IL20RB: variants seen among roughly 807,000 people sequenced by gnomAD.
The protein encoded by IL20RB is interleukin 20 receptor subunit beta, also known as interleukin-20 receptor subunit beta.
In IL20RB, 21 loss-of-function variants were observed where a neutral mutation model predicts 33.3. That is an observed-to-expected ratio of 0.63 (90% confidence interval 0.45 to 0.91). The LOEUF is 0.91. Among genes scored for constraint, IL20RB ranks in the 40% least tolerant of loss-of-function variants. The probability of loss-of-function intolerance (pLI) is 0.00; values close to 1 mark genes in which losing one functional copy is unlikely to be tolerated. For synonymous variants in IL20RB, 147 were observed against 146.8 expected, an observed-to-expected ratio of 1.00 and a Z score of -0.01; for missense variants, 345 against 384.8, an observed-to-expected ratio of 0.90 and a Z score of 0.86.
At chr3:137,007,942 T>C (rs1235399108) in intron 6 of IL20RB, among the ~76,000 whole-genome samples, 2 of 152,120 alleles carry the variant, frequency 1.3e-5, no homozygotes, top group Non-Finnish European at 2.9e-5. Flanking sequence ...CAAGTAAAAA[T>C]CTAAAGCAAA....
rs553691037 is a variant in IL20RB, at chr3:137,006,301, C to A, written c.826-3812C>A. 3.5e-3 allele frequency among the ~76,000 whole-genome samples: 539 copies of A among 152,178 alleles called. 2 individuals are homozygous for A. The highest frequency in any genetic ancestry group is 6.4e-3 in the Non-Finnish European group (437 of 67,994). The stretch of plus-strand genomic sequence containing the variant: ...GTGTTCTCTGTATTTCCTGAATTTG[C>A]ATGTTGGCCTGCCTTGCTAGGTTGG... On this transcript the variant is annotated intron_variant, in intron 6 of 6. Transcript: ENST00000329582.
Position 137,010,221 on chromosome 3 carries a change from T to G in IL20RB, c.934T>G (p.Ter312GluextTer15). 8 of 1,511,872 alleles carry G rather than the reference T, an allele frequency of 5.3e-6. No individual in the cohort carries two copies. Among genetic ancestry groups the G allele is most frequent in the South Asian group, 1.1e-5 (1 of 88,978 alleles). 93.7% of individuals were successfully genotyped at this position (1,511,872 alleles called of 1,614,324 possible). The change falls in exon 7 of 7, where the codon TAG (stop) becomes GAG (glutamate). Residue 312 changes from the stop codon to glutamate, a stop_lost. Coordinates refer to ENST00000329582, the MANE Select transcript of IL20RB (RefSeq NM_144717.4). ...PEELLRAWIS* is the reference protein window; with the variant it reads ...PEELLRAWISE ...GGAACTCCTCAGGGCCTGGATCTCA[T>G]AGGTTTGCGGAAGGGCCCAGGTGAA... is the stretch of plus-strand genomic sequence containing the variant.
intron 6 of IL20RB, among the ~76,000 whole-genome samples, chr3:137,009,400 C>T (rs1933024359): frequency 6.6e-6 from 1 of 152,132 alleles, no homozygotes; most frequent in Admixed American, 6.6e-5. Flanking sequence ...TGGCGGGAAC[C>T]TGAAATATGA....
chr3:137,010,268 A>T lies in IL20RB; in HGVS notation c.*45A>T, dbSNP rs953217015. ...TGAAGCCGAGAACCTGGTCTGCATG[A>T]CATGGAAACCATGAGGGGACAAGTT... On this transcript the variant is annotated 3_prime_UTR_variant, in exon 7 of 7. Coordinates refer to ENST00000329582, the MANE Select transcript of IL20RB (RefSeq NM_144717.4). 2.2e-6 allele frequency: 2 copies of T among 892,364 alleles called. No homozygotes were observed. Among genetic ancestry groups the T allele is most frequent in the Admixed American group, 3.6e-5 (2 of 56,126 alleles). The allele number at this position is 892,364 out of a possible 1,614,324, so 55.3% of individuals were successfully genotyped here.
At chr3:136,958,925 C>CTCTCTG (rs1553801345) in intron 1 of IL20RB, among the ~76,000 whole-genome samples, 1 of 141,944 alleles carries the variant, frequency 7.0e-6, no homozygotes, top group Admixed American at 7.4e-5. Context: ...CTCTCTCTCT[C>CTCTCTG]TCTCTCTGTC....
intron 6 of IL20RB, among the ~76,000 whole-genome samples, chr3:137,008,754 ATTTCAG>A (rs1933003162): frequency 6.6e-6 from 1 of 152,192 alleles, no homozygotes; most frequent in Admixed American, 6.5e-5. Flanking sequence ...AATATAAAAT[ATTTCAG>A]TCATTTTTTA....
intron 6 of IL20RB, among the ~76,000 whole-genome samples, chr3:137,001,065 A>T (rs764717163): frequency 3.3e-5 from 5 of 152,132 alleles, no homozygotes; most frequent in Admixed American, 6.6e-5. Context: ...AACAGCTAAG[A>T]TCTCCTAGGA....
chr3:136,972,555 T>C (rs1941513140), intron 1 of IL20RB, among the ~76,000 whole-genome samples: 1 of 152,126 alleles, frequency 6.6e-6, no homozygotes, highest in Non-Finnish European at 1.5e-5. Context: ...CCAGGAATGA[T>C]CCATTTCTTC....
At chr3:137,008,972 G>C (rs559660080) in intron 6 of IL20RB, among the ~76,000 whole-genome samples, 12 of 152,314 alleles carry the variant, frequency 7.9e-5, no homozygotes, top group African/African-American at 2.9e-4. Context: ...GCAGATGTAG[G>C]GAGTTAGTGT....
At chr3:136,971,795 A>C (rs1438987086) in intron 1 of IL20RB, among the ~76,000 whole-genome samples, 1 of 152,248 alleles carries the variant, frequency 6.6e-6, no homozygotes, top group Admixed American at 6.5e-5. Flanking sequence ...TGCAATAAAC[A>C]TGAAAAGGGA....
intron 6 of IL20RB, among the ~76,000 whole-genome samples, chr3:137,005,665 C>T (rs1312871759): frequency 2.0e-5 from 3 of 152,142 alleles, no homozygotes; most frequent in Admixed American, 2.0e-4. Flanking sequence ...TGCATCTTTG[C>T]ATGTCAGATG....
chr3:136,960,006 T>G (rs1941173516), intron 1 of IL20RB, among the ~76,000 whole-genome samples: 1 of 152,162 alleles, frequency 6.6e-6, no homozygotes, highest in Non-Finnish European at 1.5e-5. Flanking sequence ...AGATAATTGC[T>G]TTAGCTGAGG....
rs538280485 is a variant in IL20RB at position 136,989,405 on chromosome 3, G to A, written c.407-36G>A. The A allele has an allele frequency of 1.2e-5, 19 of 1,611,750 alleles. No individual in the cohort carries two copies. The African/African-American group carries it at 2.3e-4, about 19-fold the overall frequency. ...GTTCCAGGGAAATCAACCCTGTCTG[G>A]GGCTGGCTTTGACTCTCCTGTTGTC... On this transcript the variant is annotated intron_variant, in intron 3 of 6. Coordinates refer to ENST00000329582, the MANE Select transcript of IL20RB (RefSeq NM_144717.4).
intron 6 of IL20RB, among the ~76,000 whole-genome samples, chr3:137,005,216 T>G (rs1942327918): frequency 6.6e-6 from 1 of 152,216 alleles, no homozygotes; most frequent in Non-Finnish European, 1.5e-5. Context: ...AAGTGCGATA[T>G]GGTGCTGAGA....
intron 3 of IL20RB, among the ~76,000 whole-genome samples, chr3:136,986,298 G>C (rs973816883): frequency 3.9e-5 from 6 of 152,000 alleles, no homozygotes; most frequent in Admixed American, 2.0e-4. Context: ...AAAGCTTCCT[G>C]GGCAGATTAA....
intron 6 of IL20RB, 47 bp from the exon 7 acceptor site, chr3:137,010,066 C>A: frequency 1.2e-6 from 1 of 857,692 alleles, no homozygotes; most frequent in Non-Finnish European, 2.0e-6. Flanking sequence ...TTTAGTATTA[C>A]TACTACTGCT....
intron 3 of IL20RB, chr3:136,986,688 C>T (rs1245285862): frequency 2.2e-6 from 1 of 456,620 alleles, no homozygotes; most frequent in Non-Finnish European, 4.4e-6. Context: ...TGAAAACTCC[C>T]TGTAGGAACT....
chr3:136,984,079 T>G (rs1429372078), intron 3 of IL20RB, among the ~76,000 whole-genome samples: 2 of 152,206 alleles, frequency 1.3e-5, no homozygotes, highest in East Asian at 3.8e-4. Flanking sequence ...GCTTAAGTGA[T>G]CCTCTTGCCT....
At position 136,989,546 on chromosome 3, in the gene IL20RB, G is replaced by T; in HGVS notation, c.512G>T (p.Arg171Met). 1 of 1,614,012 alleles carries T rather than the reference G, an allele frequency of 6.2e-7. No individual in the cohort carries two copies. ...PQFEFLVAYW[R>M]REPGAEEHVK... is the part of the protein sequence containing the mutation. Reference sequence around the variant, plus strand: ...TTTGAGTTCCTTGTGGCCTACTGGAGGAGGGAGCCTGGTGCCGAGGTGAGA... The same window carrying T: ...TTTGAGTTCCTTGTGGCCTACTGGATGAGGGAGCCTGGTGCCGAGGTGAGA... The change falls in exon 4 of 7, where the codon AGG becomes ATG. Residue 171 changes from arginine to methionine, a missense_variant. Arg to Met is a moderately conservative substitution (Grantham distance 91). Transcript: ENST00000329582.
Sources: gnomAD v4.1 joint callset for allele counts (sites outside exome capture counted in the v4.1 genomes callset) on GRCh38, gnomAD v4.1.1 for gene constraint, MANE v1.5 for transcripts, NCBI Gene and HGNC (gene_info 2026-07-23, HGNC 2026-07-21) for gene names.